KMT2B: variants seen among roughly 807,000 people sequenced by gnomAD.
KMT2B encodes the protein histone-lysine N-methyltransferase 2B.
A neutral mutation model predicts 255.3 loss-of-function variants in KMT2B; 22 were observed. The observed-to-expected ratio is 0.09, with a 90% CI of 0.06 to 0.12. KMT2B has a LOEUF of 0.12. Ranked by LOEUF, KMT2B falls within the 10% of genes least tolerant of loss-of-function variation. KMT2B has a pLI of 1.00. For synonymous variants in KMT2B, 1,730 were observed against 1,498.1 expected, an observed-to-expected ratio of 1.15 and a Z score of -3.57; for missense variants, 3,149 against 3,737.0, an observed-to-expected ratio of 0.84 and a Z score of 4.10.
In KMT2B at chr19:35,727,632, G is replaced by T. The variant is rs777475421; in HGVS notation, c.4302+10G>T. 12 of 1,610,872 alleles carry T rather than the reference G, an allele frequency of 7.4e-6. No homozygotes were observed. Among genetic ancestry groups the T allele is most frequent in the Non-Finnish European group, 1.0e-5 (12 of 1,178,984 alleles). On this transcript the variant is annotated intron_variant, in intron 16 of 36. Coordinates refer to ENST00000420124, the MANE Select transcript of KMT2B (RefSeq NM_014727.3). The surrounding 1 kb of genome is among the most constrained non-coding windows in gnomAD (Gnocchi z 4.2). ...GCTGCTCTGCACCCAGGTCTGGAGGGCCCTGGAGGCAGGATGGGCCGGGGC... is the reference window on the plus strand; with the variant it reads ...GCTGCTCTGCACCCAGGTCTGGAGGTCCCTGGAGGCAGGATGGGCCGGGGC...
intron 26 of KMT2B, among the ~76,000 whole-genome samples, chr19:35,731,180 C>T (rs185630550): frequency 1.4e-4 from 22 of 152,316 alleles, no homozygotes; most frequent in Middle Eastern, 3.4e-3. Flanking sequence ...TCTCCAGTGT[C>T]GCCATACTAC....
In KMT2B at chr19:35,737,461, C is replaced by T. The variant is rs1427152960; in HGVS notation, c.7551-175C>T. The T allele has an allele frequency of 5.3e-6, 4 of 758,746 alleles. No individual in the cohort carries two copies. Among genetic ancestry groups the T allele is most frequent in the South Asian group, 1.9e-5 (1 of 51,700 alleles). The allele number at this position is 758,746 out of a possible 1,614,324, so 47.0% of individuals were successfully genotyped here. A position where few individuals can be genotyped will look rare whatever the true frequency, so the allele number is the denominator to read the frequency against. On this transcript the variant is annotated intron_variant, in intron 33 of 36. Transcript: ENST00000420124. This position sits in a 1 kb window ranked among gnomAD's most constrained non-coding sequence, Gnocchi z 5.3. ...CTTTGGGAGGCCGAGGCAGGAGGAT[C>T]GCATGAGCCCAGGAGTTGGAGACCA... is the stretch of plus-strand genomic sequence containing the variant.
chr19:35,721,804 G>T lies in KMT2B; in HGVS notation c.2457G>T (p.Pro819=). 1 of 1,578,094 alleles carries T rather than the reference G, an allele frequency of 6.3e-7. No individual in the cohort carries two copies. Among genetic ancestry groups the T allele is most frequent in the Non-Finnish European group, 8.6e-7 (1 of 1,161,258 alleles). Reference sequence around the variant, plus strand: ...AGCAGAAGGTGGCAGCTTCCATGCCGGTGAGTGTGGTCCCTGGGCCCAGCG... The same window carrying T: ...AGCAGAAGGTGGCAGCTTCCATGCCTGTGAGTGTGGTCCCTGGGCCCAGCG... ...QQQQKVAASM[P]LSPGGQMEEV... is the part of the protein sequence containing the mutation. The change falls in exon 3 of 37, where the codon CCG becomes CCT. Residue 819 remains proline, a splice_region_variant and synonymous_variant. Transcript: ENST00000420124.
chr19:35,721,613 C>G lies in KMT2B; in HGVS notation c.2266C>G (p.Pro756Ala). 1 of 1,612,576 alleles carries G rather than the reference C, an allele frequency of 6.2e-7. No homozygotes were observed. The highest frequency in any genetic ancestry group is 1.1e-5 in the South Asian group (1 of 91,058). The part of the protein sequence containing the change: ...TQLLPQALPP[P>A]QPQLQPPPSP... The stretch of plus-strand genomic sequence containing the variant: ...GCTCCTGCCCCAGGCACTACCGCCA[C>G]CACAGCCACAGCTGCAGCCACCGCC... Residue 756 changes from proline (P) to alanine (A), a missense_variant, in exon 3 of 37, where the codon CCA becomes GCA. Coordinates refer to ENST00000420124, the MANE Select transcript of KMT2B (RefSeq NM_014727.3).
Position 35,733,624 on chromosome 19 carries a change from C to A in KMT2B, c.6987C>A (p.Pro2329=). 1 of 1,591,578 alleles carries A rather than the reference C, an allele frequency of 6.3e-7. No homozygotes were observed. ...TTAGCCGTGTGAGGATGAAAACCCC[C>A]ACAGTGCGTGGGGTCCTTGACCTGG... is the stretch of plus-strand genomic sequence containing the variant. The part of the protein sequence containing the change: ...GGFSRVRMKT[P]TVRGVLDLDR... Residue 2329 remains proline (P), a synonymous_variant, in exon 29 of 37, where the codon CCC becomes CCA. Transcript: ENST00000420124. This position sits in a 1 kb window ranked among gnomAD's most constrained non-coding sequence, Gnocchi z 4.3.
Position 35,737,793 on chromosome 19 carries a change from G to A in KMT2B, c.7658+50G>A, listed in dbSNP as rs906973407. The A allele has an allele frequency of 1.9e-6, 3 of 1,549,590 alleles. No homozygotes were observed. Among genetic ancestry groups the A allele is most frequent in the Non-Finnish European group, 2.6e-6 (3 of 1,144,208 alleles). On this transcript the variant is annotated intron_variant, in intron 34 of 36. Transcript: ENST00000420124. The surrounding 1 kb of genome is among the most constrained non-coding windows in gnomAD (Gnocchi z 5.3). ...GGTGGTGGTCTGGAAGGGTCTTAGA[G>A]AGTGAGCAGGGGTGAGAGAGGTCAT... is the stretch of plus-strand genomic sequence containing the variant.
chr19:35,721,768 T>TCAG lies in KMT2B; in HGVS notation c.2434_2436dup (p.Gln812dup), dbSNP rs750525059. 5.2e-5 allele frequency: 84 copies of TCAG among 1,601,628 alleles called. No individual in the cohort carries two copies. The East Asian group carries it at 1.7e-3, about 33-fold the overall frequency. ...CCAAAGTGCAGCTATTCAAGATCGA[T>TCAG]CAGCAGCAGCAGCAGAAGGTGGCAG... On this transcript the variant is annotated inframe_insertion, in exon 3 of 37. Coordinates refer to ENST00000420124, the MANE Select transcript of KMT2B (RefSeq NM_014727.3).
intron 14 of KMT2B, 80 bp downstream of exon 14, chr19:35,726,433 C>A: frequency 1.1e-6 from 1 of 928,426 alleles, no homozygotes; most frequent in Non-Finnish European, 1.8e-6. Context: ...AGCACAGACC[C>A]TCTTTTCTCA....
Position 35,718,103 on chromosome 19 carries a change from G to T in KMT2B, c.85G>T (p.Gly29Trp). The T allele has an allele frequency of 1.0e-6, 1 of 992,128 alleles. No homozygotes were observed. Among genetic ancestry groups the T allele is most frequent in the South Asian group, 4.5e-5 (1 of 22,190 alleles). The allele number at this position is 992,128 out of a possible 1,614,324, so 61.5% of individuals were successfully genotyped here. Residue 29 changes from glycine to tryptophan, a missense_variant, in exon 1 of 37, where the codon GGG (glycine) becomes TGG (tryptophan). Around this residue, in one of 18 missense-constraint regions of KMT2B, gnomAD observed 10 missense variants for 26.9 expected, o/e 0.37. Transcript: ENST00000420124. This position sits in a 1 kb window ranked among gnomAD's most constrained non-coding sequence, Gnocchi z 5.0. Reference sequence around the variant, plus strand: ...CCCGGGCCGGCCGCGGGGCGCCGGCGGGGGCGGGGGCCGCGGCGGACGGGG... The same window carrying T: ...CCCGGGCCGGCCGCGGGGCGCCGGCTGGGGCGGGGGCCGCGGCGGACGGGG... ...RFPGRPRGAG[G>W]GGGRGGRGNG...
At chr19:35,726,470 C>T in intron 14 of KMT2B, 117 bp downstream of exon 14, 2 of 712,180 alleles carry the variant, frequency 2.8e-6, no homozygotes, top group Non-Finnish European at 5.1e-6. Context: ...AGCTATGGGA[C>T]TATCTCTTCA....
In KMT2B at chr19:35,728,906, G is replaced by T. The variant is rs146357202; in HGVS notation, c.4687+17G>T. ...CCTCAGCAGGTACTGGGAAGTGGGG[G>T]TCCAGAAGCCAGGGCCCTGTGTTGG... On this transcript the variant is annotated intron_variant, in intron 20 of 36. Transcript: ENST00000420124. 3 of 1,612,600 alleles carry T rather than the reference G, an allele frequency of 1.9e-6. No individual in the cohort carries two copies. The highest frequency in any genetic ancestry group is 2.5e-6 in the Non-Finnish European group (3 of 1,178,640).
chr19:35,729,385 A>C lies in KMT2B; in HGVS notation c.4917+89A>C, dbSNP rs1969601214. The C allele has an allele frequency of 2.2e-5, 32 of 1,481,402 alleles. No homozygotes were observed. In the South Asian group the frequency reaches 3.8e-4, roughly 18 times the overall value. The allele number at this position is 1,481,402 out of a possible 1,614,324, so 91.8% of individuals were successfully genotyped here. A position where few individuals can be genotyped will look rare whatever the true frequency, so the allele number is the denominator to read the frequency against. On this transcript the variant is annotated intron_variant, in intron 22 of 36. Coordinates refer to ENST00000420124, the MANE Select transcript of KMT2B (RefSeq NM_014727.3). ...AAACAGCTCTTACTTCACATTCCCTACCTGGCATCCTTTCACTGCCAGGCT... is the reference window on the plus strand; with the variant it reads ...AAACAGCTCTTACTTCACATTCCCTCCCTGGCATCCTTTCACTGCCAGGCT...
chr19:35,730,261 A>G (rs1969639260), intron 23 of KMT2B, 81 bp from the exon 24 acceptor site: 1 of 1,600,024 alleles, frequency 6.2e-7, no homozygotes, highest in Non-Finnish European at 8.5e-7. Flanking sequence ...CCTTTAGGCC[A>G]AGCCCCTGAC....
In KMT2B at chr19:35,732,538, C is replaced by G; in HGVS notation, c.5989C>G (p.Leu1997Val). 6.2e-7 allele frequency: 1 copy of G among 1,613,902 alleles called. No individual in the cohort carries two copies. The highest frequency in any genetic ancestry group is 8.5e-7 in the Non-Finnish European group (1 of 1,179,880). The change falls in exon 28 of 37, where the codon CTG (leucine) becomes GTG (valine). Residue 1997 changes from leucine to valine, a missense_variant. Physicochemically the swap from Leu to Val is conservative, Grantham distance 32. This residue lies in a region of KMT2B where 897 missense variants were observed against 825.3 expected (regional missense o/e 1.09). Coordinates refer to ENST00000420124, the MANE Select transcript of KMT2B (RefSeq NM_014727.3). The stretch of plus-strand genomic sequence containing the variant: ...TGCTGACCTGGACTTCGCGGCCAGC[C>G]TGCTGGGGACTGAGCCCTTCCAGGA... Reference protein sequence around the residue: ...SAADLDFAASLLGTEPFQEEI... With the variant: ...SAADLDFAASVLGTEPFQEEI...
rs1969742729 is a variant in KMT2B at position 35,732,441 on chromosome 19, C to T, written c.5892C>T (p.Ala1964=). Residue 1964 remains alanine (A), a synonymous_variant, in exon 28 of 37, where the codon GCC becomes GCT. Transcript: ENST00000420124. ...TSGELAPPGP[A]PSPPPPEDLG... ...GGGAGCTGGCTCCCCCTGGCCCGGCCCCATCTCCACCACCCCCTGAAGACC... is the reference window on the plus strand; with the variant it reads ...GGGAGCTGGCTCCCCCTGGCCCGGCTCCATCTCCACCACCCCCTGAAGACC... The T allele has an allele frequency of 1.2e-6, 2 of 1,613,828 alleles. No individual in the cohort carries two copies. Among genetic ancestry groups the T allele is most frequent in the South Asian group, 1.1e-5 (1 of 91,080 alleles).
chr19:35,728,905 G>A lies in KMT2B; in HGVS notation c.4687+16G>A, dbSNP rs1296014019. ...CCCTCAGCAGGTACTGGGAAGTGGG[G>A]GTCCAGAAGCCAGGGCCCTGTGTTG... On this transcript the variant is annotated intron_variant, in intron 20 of 36. Coordinates refer to ENST00000420124, the MANE Select transcript of KMT2B (RefSeq NM_014727.3). 6.2e-7 allele frequency: 1 copy of A among 1,612,724 alleles called. No homozygotes were observed. The highest frequency in any genetic ancestry group is 1.3e-5 in the African/African-American group (1 of 74,870).
In KMT2B at chr19:35,730,357, G is replaced by A. The variant is rs374963939; in HGVS notation, c.5092G>A (p.Asp1698Asn). Reference sequence around the variant, plus strand: ...CCTCTTCCAGGAAATTGTGAACCCCGATGGTTTTGATGTTCTCCGCCGAGT... The same window carrying A: ...CCTCTTCCAGGAAATTGTGAACCCCAATGGTTTTGATGTTCTCCGCCGAGT... ...LLDGKEIVNP[D>N]GFDVLRRVYV... The change falls in exon 24 of 37, where the codon GAT becomes AAT. Residue 1698 changes from aspartate (D) to asparagine (N), a missense_variant. This residue lies in a region of KMT2B where 58 missense variants were observed against 96.9 expected (regional missense o/e 0.60). Transcript: ENST00000420124. 2.6e-5 allele frequency: 42 copies of A among 1,612,142 alleles called. No individual in the cohort carries two copies. Among genetic ancestry groups the A allele is most frequent in the African/African-American group, 1.1e-4 (8 of 74,984 alleles).
intron 22 of KMT2B, among the ~76,000 whole-genome samples, chr19:35,729,536 C>T (rs544946419): frequency 2.0e-5 from 3 of 152,150 alleles, no homozygotes; most frequent in African/African-American, 7.2e-5. Context: ...TTGATTGAAC[C>T]TGGGCTGCAC....
intron 1 of KMT2B, among the ~76,000 whole-genome samples, 199 bp from the exon 2 acceptor site, chr19:35,719,270 G>A (rs978279900): frequency 1.3e-4 from 20 of 152,180 alleles, no homozygotes; most frequent in African/African-American, 3.6e-4. Context: ...GGGGATCGGA[G>A]TTCGAAATAC....
Sources: gnomAD v4.1 joint callset for allele counts (sites outside exome capture counted in the v4.1 genomes callset) on GRCh38, gnomAD v4.1.1 for gene constraint, gnomAD v4.1.1 regional missense constraint, Gnocchi (gnomAD v3.1) non-coding constraint, MANE v1.5 for transcripts, NCBI Gene and HGNC (gene_info 2026-07-23, HGNC 2026-07-21) for gene names.